CSMD3: variants seen among roughly 807,000 people sequenced by gnomAD.
The protein encoded by CSMD3 is CUB and Sushi multiple domains 3.
Under a neutral mutation model 435.2 loss-of-function variants are expected in CSMD3, and 177 were observed. The ratio of observed to expected loss-of-function variants is 0.41; its 90% confidence interval spans 0.36 to 0.46. CSMD3 has a LOEUF of 0.46. CSMD3 is among the 20% of genes least tolerant of loss of function. CSMD3 has a pLI of 0.34. For synonymous variants in CSMD3, 1,656 were observed against 1,520.5 expected (o/e 1.09, Z -2.07); for missense variants, 4,265 against 4,504.6 (o/e 0.95, Z 1.52).
At position 112,870,490 on chromosome 8, in the gene CSMD3, A is replaced by G. The variant is rs371406942; in HGVS notation, c.1634-11224T>C. ...ACGGGGTTTCACAGTGTTAGCCAGG[A>G]TGGTCTCGATCTTCTGACCTTGTGA... On this transcript the variant is annotated intron_variant, in intron 10 of 70. Coordinates refer to ENST00000297405, the MANE Select transcript of CSMD3 (RefSeq NM_198123.2). 5.4e-3 allele frequency among the ~76,000 whole-genome samples: 822 copies of G among 150,986 alleles called. 4 individuals carry two copies. The highest frequency in any genetic ancestry group is 0.019 in the African/African-American group (769 of 41,082).
At chr8:112,473,253 G>T (rs1818702752) in intron 31 of CSMD3, among the ~76,000 whole-genome samples, 1 of 152,068 alleles carries the variant, frequency 6.6e-6, no homozygotes, top group African/African-American at 2.4e-5. Flanking sequence ...GCTACCTCAG[G>T]CCCAATGTGG....
At chr8:112,921,542 C>T (rs932201553) in intron 10 of CSMD3, 85 bp downstream of exon 10, 1 of 1,142,182 alleles carries the variant, frequency 8.8e-7, no homozygotes, top group Non-Finnish European at 1.3e-6. Context: ...TATTACAATT[C>T]AAAGACTTAA....
intron 10 of CSMD3, among the ~76,000 whole-genome samples, chr8:112,913,568 C>G (rs866422002): frequency 6.6e-6 from 1 of 151,818 alleles, no homozygotes; most frequent in Non-Finnish European, 1.5e-5. Context: ...AAACTCTTGG[C>G]GCCCACCCTT....
At chr8:112,969,367 T>C (rs532326822) in intron 7 of CSMD3, among the ~76,000 whole-genome samples, 14 of 152,130 alleles carry the variant, frequency 9.2e-5, no homozygotes, top group Middle Eastern at 6.9e-3. Context: ...CTAAGAATAA[T>C]AAATAATGTA....
chr8:112,249,283 A>T (rs1466906458), intron 63 of CSMD3, among the ~76,000 whole-genome samples: 2 of 151,962 alleles, frequency 1.3e-5, no homozygotes, highest in African/African-American at 4.8e-5. Flanking sequence ...ATCCAGTTTT[A>T]CTCCCCAATA....
chr8:112,355,285 C>G (rs912608600), intron 38 of CSMD3, among the ~76,000 whole-genome samples: 2 of 152,056 alleles, frequency 1.3e-5, no homozygotes, highest in Non-Finnish European at 2.9e-5. Context: ...TGGACATTGG[C>G]CTTGGCAATG....
At chr8:113,063,826 A>C (rs1429370221) in intron 5 of CSMD3, among the ~76,000 whole-genome samples, 1 of 151,972 alleles carries the variant, frequency 6.6e-6, no homozygotes, top group Non-Finnish European at 1.5e-5. Context: ...CAGAATTATG[A>C]TTTTCAAATC....
chr8:112,613,878 T>C (rs1383873829), intron 22 of CSMD3, among the ~76,000 whole-genome samples: 3 of 152,144 alleles, frequency 2.0e-5, no homozygotes, highest in Non-Finnish European at 2.9e-5. Flanking sequence ...ATCCCAGCAC[T>C]TTGGGAGTCC....
chr8:112,911,506 A>G (rs1028314932), intron 10 of CSMD3, among the ~76,000 whole-genome samples: 1 of 151,540 alleles, frequency 6.6e-6, no homozygotes, highest in African/African-American at 2.4e-5. Flanking sequence ...AGATCATACA[A>G]TGTTTGTCTT....
chr8:113,248,252 A>C (rs2093296571), intron 3 of CSMD3, among the ~76,000 whole-genome samples: 1 of 151,704 alleles, frequency 6.6e-6, no homozygotes, highest in African/African-American at 2.4e-5. Flanking sequence ...GAGATGAAGC[A>C]TAATTTACCT....
At chr8:112,437,809 G>T (rs77718050) in intron 32 of CSMD3, among the ~76,000 whole-genome samples, 8,800 of 152,104 alleles carry the variant, frequency 0.058, 299 homozygotes, top group South Asian at 0.12. Flanking sequence ...CAAAAATAGC[G>T]AATGTTTCAA....
intron 3 of CSMD3, among the ~76,000 whole-genome samples, chr8:113,194,923 A>G (rs181021722): frequency 2.2e-3 from 340 of 151,252 alleles, no homozygotes; most frequent in African/African-American, 7.8e-3. Flanking sequence ...GCAACTTACT[A>G]CATATTTCAT....
At chr8:112,665,443 T>C (rs1050737751) in intron 17 of CSMD3, among the ~76,000 whole-genome samples, 11 of 152,276 alleles carry the variant, frequency 7.2e-5, no homozygotes, top group Non-Finnish European at 1.2e-4. Flanking sequence ...CTAGCATGGA[T>C]AGACAAATTC....
chr8:112,552,259 C>CACG (rs149458442), intron 26 of CSMD3, among the ~76,000 whole-genome samples: 43 of 151,670 alleles, frequency 2.8e-4, no homozygotes, highest in Non-Finnish European at 1.3e-4. Context: ...CTTTGGGAGG[C>CACG]AGAATTGCTT....
intron 6 of CSMD3, among the ~76,000 whole-genome samples, chr8:112,977,682 T>G (rs2084905214): frequency 6.6e-6 from 1 of 152,070 alleles, no homozygotes; most frequent in Non-Finnish European, 1.5e-5. Flanking sequence ...GATTTTTGTA[T>G]TTTGAAAGAG....
At chr8:112,657,269 G>A (rs974657902) in intron 17 of CSMD3, among the ~76,000 whole-genome samples, 2 of 151,908 alleles carry the variant, frequency 1.3e-5, no homozygotes, top group Non-Finnish European at 2.9e-5. Flanking sequence ...CACCATCTTG[G>A]CCAGGCTGGT....
chr8:112,725,601 CT>C (rs1351363886), intron 13 of CSMD3, among the ~76,000 whole-genome samples: 1 of 151,704 alleles, frequency 6.6e-6, no homozygotes, highest in African/African-American at 2.4e-5. Flanking sequence ...ATATACTTGG[CT>C]TTTTTACTTT....
chr8:113,376,619 A>G, intron 1 of CSMD3: 1 of 1,127,844 alleles, frequency 8.9e-7, no homozygotes, highest in Non-Finnish European at 1.3e-6. Context: ...TCATCAAAAG[A>G]AAGTTTACCA....
intron 5 of CSMD3, among the ~76,000 whole-genome samples, chr8:113,039,189 A>G (rs914584836): frequency 6.6e-6 from 1 of 152,168 alleles, no homozygotes; most frequent in Non-Finnish European, 1.5e-5. Flanking sequence ...CATAGTAAAA[A>G]AAAATTAACC....
Sources: allele counts gnomAD v4.1 joint callset (sites outside exome capture counted in the v4.1 genomes callset), GRCh38; gene constraint gnomAD v4.1.1; transcripts MANE v1.5; gene names NCBI Gene and HGNC (gene_info 2026-07-23, HGNC 2026-07-21).